Variants in LRRC4C observed in about 807,000 individuals in gnomAD.
LRRC4C encodes the protein leucine-rich repeat-containing protein 4C.
LRRC4C carries 5 observed loss-of-function variants against 33.6 expected under a neutral mutation model. The ratio of observed to expected loss-of-function variants is 0.15; its 90% CI spans 0.08 to 0.31. The LOEUF (loss-of-function observed/expected upper bound fraction) is 0.31. Ranked by LOEUF, LRRC4C falls within the 10% of genes least tolerant of loss-of-function variation. The probability of loss-of-function intolerance (pLI) is 1.00; values close to 1 mark genes in which losing one functional copy is unlikely to be tolerated. For synonymous variants in LRRC4C, 329 were observed against 302.0 expected (o/e 1.09, Z -0.93); for missense variants, 560 against 796.7 (o/e 0.70, Z 3.58).
intron 1 of LRRC4C, among the ~76,000 whole-genome samples, chr11:41,448,120 C>CGGTTTTT: frequency 4.2e-5 from 1 of 23,864 alleles, no homozygotes; most frequent in South Asian, 7.0e-4. Context: ...CTGCACACGT[C>CGGTTTTT]TGTTTTTTTT....
chr11:40,977,154 A>T (rs1319221413), intron 1 of LRRC4C, among the ~76,000 whole-genome samples: 2 of 152,042 alleles, frequency 1.3e-5, no homozygotes, highest in Non-Finnish European at 2.9e-5. Flanking sequence ...GCCACCACTG[A>T]TCTGACAAGA....
At chr11:41,389,232 TCC>T (rs1953484114) in intron 1 of LRRC4C, among the ~76,000 whole-genome samples, 1 of 151,798 alleles carries the variant, frequency 6.6e-6, no homozygotes, top group Non-Finnish European at 1.5e-5. Context: ...TACATGTAGG[TCC>T]CACAAAATGC....
chr11:41,331,610 C>T (rs1027853127), intron 1 of LRRC4C, among the ~76,000 whole-genome samples: 2 of 152,180 alleles, frequency 1.3e-5, no homozygotes, highest in Non-Finnish European at 2.9e-5. Flanking sequence ...CAACTCAAGG[C>T]ACTTGCTTTA....
chr11:41,058,718 A>C lies in LRRC4C; in HGVS notation c.-495-124995T>G, dbSNP rs542843538. 8.8e-4 allele frequency among the ~76,000 whole-genome samples: 134 copies of C among 152,364 alleles called. 1 individual carries two copies. The highest frequency in any genetic ancestry group is 8.7e-4 in the Non-Finnish European group (59 of 68,034). On this transcript the variant is annotated intron_variant, in intron 1 of 6. Transcript: ENST00000528697. ...CAACCTGTTATTGATAATGTACTCA[A>C]AGGAATATAAATTTTTCTACCATGA...
chr11:41,136,866 A>G (rs557617820), intron 1 of LRRC4C, among the ~76,000 whole-genome samples: 2 of 152,336 alleles, frequency 1.3e-5, no homozygotes, highest in East Asian at 1.9e-4. Flanking sequence ...CTCTGCCACA[A>G]GGAAAAGCCT....
At chr11:40,425,912 G>GT (rs1950694719) in intron 3 of LRRC4C, among the ~76,000 whole-genome samples, 1 of 151,614 alleles carries the variant, frequency 6.6e-6, no homozygotes, top group Non-Finnish European at 1.5e-5. Context: ...ACTTCCACTT[G>GT]TTTATTCACT....
At chr11:41,094,530 T>TA (rs1047002202) in intron 1 of LRRC4C, among the ~76,000 whole-genome samples, 42 of 151,980 alleles carry the variant, frequency 2.8e-4, no homozygotes, top group African/African-American at 8.7e-4. Flanking sequence ...TCTCAAAAAA[T>TA]AAAAAAATAA....
At chr11:41,177,178 AC>A (rs1945241400) in intron 1 of LRRC4C, among the ~76,000 whole-genome samples, 1 of 152,112 alleles carries the variant, frequency 6.6e-6, no homozygotes, top group Non-Finnish European at 1.5e-5. Flanking sequence ...GGCATATTTG[AC>A]TTATAACAGA....
At chr11:41,408,747 T>A (rs1954336305) in intron 1 of LRRC4C, among the ~76,000 whole-genome samples, 4 of 131,774 alleles carry the variant, frequency 3.0e-5, no homozygotes, top group African/African-American at 9.7e-5. Flanking sequence ...TATATTTTTG[T>A]AAAAAAAAAA....
chr11:40,622,723 C>T lies in LRRC4C; in HGVS notation c.-270+25419G>A, dbSNP rs559945974. Among the ~76,000 whole-genome samples the T allele has an allele frequency of 4.6e-5, 7 of 151,922 alleles. No homozygotes were observed. In the South Asian group the frequency reaches 1.5e-3, roughly 31 times the overall value. ...GGAAAAGAGCATGGAGTTTGAGCCT[C>T]AGGTCCACTGTTTTCTAAATATGAG... is the stretch of plus-strand genomic sequence containing the variant. On this transcript the variant is annotated intron_variant, in intron 3 of 6. Transcript: ENST00000528697.
intron 1 of LRRC4C, among the ~76,000 whole-genome samples, chr11:41,397,474 A>C (rs1439080526): frequency 1.3e-5 from 2 of 151,972 alleles, no homozygotes; most frequent in African/African-American, 2.4e-5. Flanking sequence ...TATTATAAAG[A>C]TATAGTATAT....
chr11:40,205,685 CT>C (rs765946841), intron 5 of LRRC4C, among the ~76,000 whole-genome samples: 5 of 152,160 alleles, frequency 3.3e-5, no homozygotes, highest in Non-Finnish European at 7.3e-5. Context: ...GTTCTCACCC[CT>C]GTCAAAATAT....
At chr11:41,327,396 C>T (rs1951155593) in intron 1 of LRRC4C, among the ~76,000 whole-genome samples, 1 of 152,108 alleles carries the variant, frequency 6.6e-6, no homozygotes, top group Admixed American at 6.5e-5. Context: ...GTTAGTGTAC[C>T]AATATGTGAT....
At chr11:40,306,496 A>T (rs560319804) in intron 4 of LRRC4C, among the ~76,000 whole-genome samples, 1 of 152,194 alleles carries the variant, frequency 6.6e-6, no homozygotes, top group Non-Finnish European at 1.5e-5. Flanking sequence ...TCATTCTCAC[A>T]TGGACAAAGT....
chr11:41,106,139 G>C (rs184472617), intron 1 of LRRC4C, among the ~76,000 whole-genome samples: 1 of 152,016 alleles, frequency 6.6e-6, no homozygotes, highest in Non-Finnish European at 1.5e-5. Flanking sequence ...ACAGAACTAA[G>C]TATCAACTTA....
intron 2 of LRRC4C, among the ~76,000 whole-genome samples, chr11:40,797,122 T>G (rs988409067): frequency 1.3e-5 from 2 of 152,122 alleles, no homozygotes; most frequent in Admixed American, 6.5e-5. Context: ...GAAAGACACA[T>G]GCTTAAGAAG....
intron 1 of LRRC4C, among the ~76,000 whole-genome samples, chr11:41,266,005 C>T (rs748316025): frequency 2.0e-5 from 3 of 151,988 alleles, no homozygotes. Context: ...AGTTATATCA[C>T]ATGGTAGCTG....
At chr11:40,820,601 T>A (rs1033278687) in intron 2 of LRRC4C, among the ~76,000 whole-genome samples, 2 of 151,942 alleles carry the variant, frequency 1.3e-5, no homozygotes, top group African/African-American at 4.8e-5. Context: ...ACAAAATTAT[T>A]ATCTTTATAA....
At chr11:40,915,491 A>T (rs371271549) in intron 2 of LRRC4C, among the ~76,000 whole-genome samples, 1 of 152,242 alleles carries the variant, frequency 6.6e-6, no homozygotes, top group African/African-American at 2.4e-5. Context: ...CTGGCTAGCC[A>T]TATGTAGAAA....
Sources: allele counts gnomAD v4.1 joint callset (sites outside exome capture counted in the v4.1 genomes callset), GRCh38; gene constraint gnomAD v4.1.1; transcripts MANE v1.5; gene names NCBI Gene and HGNC (gene_info 2026-07-23, HGNC 2026-07-21).